Variants in MAP2K2 observed in about 807,000 individuals in gnomAD.
MAP2K2 encodes dual specificity mitogen-activated protein kinase kinase 2.
Under a neutral mutation model 43.7 loss-of-function variants are expected in MAP2K2, and 24 were observed. That is an observed-to-expected ratio of 0.55 (90% CI 0.40 to 0.77). The LOEUF is 0.77. MAP2K2 is among the 30% of genes least tolerant of loss of function. MAP2K2 has a pLI of 0.00. For missense variants in MAP2K2, 470 were observed against 566.8 expected (o/e 0.83, Z 1.73); for synonymous variants, 244 against 239.7 (o/e 1.02, Z -0.17).
At chr19:4,121,795 T>C (rs1381492926) in intron 1 of MAP2K2, among the ~76,000 whole-genome samples, 2 of 16,082 alleles carry the variant, frequency 1.2e-4, no homozygotes, top group African/African-American at 6.3e-4. Context: ...GACACCCCCT[T>C]GTCCTCAGAT....
Position 4,090,713 on chromosome 19 carries a change from A to G in MAP2K2, c.1093-5T>C. On this transcript the variant is annotated splice_region_variant and splice_polypyrimidine_tract_variant and intron_variant, in intron 10 of 10. Transcript: ENST00000262948. ...CCGCTTGATGAAGGTGTGGTTCTGC[A>G]AGGAAAGGGGAGCCGTGAGCACCCG... 6.4e-7 allele frequency: 1 copy of G among 1,551,240 alleles called. No homozygotes were observed. The highest frequency in any genetic ancestry group is 2.4e-5 in the East Asian group (1 of 41,232).
intron 1 of MAP2K2, 109 bp downstream of exon 1, chr19:4,123,675 C>T: frequency 1.4e-6 from 1 of 711,142 alleles, no homozygotes; most frequent in Non-Finnish European, 2.1e-6. Context: ...CCCCCGTGAC[C>T]CCCCTGCCTC....
At chr19:4,096,496 G>A (rs2040919679) in intron 8 of MAP2K2, among the ~76,000 whole-genome samples, 1 of 152,210 alleles carries the variant, frequency 6.6e-6, no homozygotes, top group Non-Finnish European at 1.5e-5. Context: ...GACAGCTGCA[G>A]GCCTGGAAGG....
intron 1 of MAP2K2, among the ~76,000 whole-genome samples, chr19:4,122,692 A>C (rs1257882704): frequency 2.0e-5 from 3 of 149,588 alleles, no homozygotes; most frequent in African/African-American, 7.4e-5. Flanking sequence ...TTTTCCCCAA[A>C]GGGATCTCCC....
rs1599305275 is a variant in MAP2K2, at chr19:4,115,585, A to G, written c.303+1834T>C. ...CTCCGGTTTGGAAGAGGCTGCCTGC[A>G]GTACGGGGACAGAAATAGCAAGTCC... On this transcript the variant is annotated intron_variant, in intron 2 of 10. Transcript: ENST00000262948. The surrounding 1 kb of genome is among the most constrained non-coding windows in gnomAD (Gnocchi z 4.1). Among the ~76,000 whole-genome samples the G allele has an allele frequency of 6.6e-6, 1 of 152,226 alleles. No homozygotes were observed. Among genetic ancestry groups the G allele is most frequent in the East Asian group, 1.9e-4 (1 of 5,202 alleles).
intron 1 of MAP2K2, 73 bp from the exon 2 acceptor site, chr19:4,117,702 G>C (rs1430415138): frequency 5.0e-6 from 7 of 1,387,662 alleles, no homozygotes; most frequent in Admixed American, 1.7e-5. Context: ...TGTGGCCGTG[G>C]TGCATCGGCC....
intron 10 of MAP2K2, among the ~76,000 whole-genome samples, chr19:4,091,734 T>A (rs1000398062): frequency 4.0e-5 from 6 of 151,582 alleles, no homozygotes; most frequent in African/African-American, 1.2e-4. Flanking sequence ...CTGTAACCTC[T>A]GCCTCCCAGG....
chr19:4,099,697 G>A, intron 6 of MAP2K2: 1 of 485,690 alleles, frequency 2.1e-6, no homozygotes. Flanking sequence ...TGGGCCCCAG[G>A]AAGCAGGGGC....
rs767343295 is a variant in MAP2K2 at position 4,102,473 on chromosome 19, T to A, written c.451-20A>T. 6.4e-7 allele frequency: 1 copy of A among 1,566,690 alleles called. No homozygotes were observed. The highest frequency in any genetic ancestry group is 8.7e-7 in the Non-Finnish European group (1 of 1,149,214). On this transcript the variant is annotated intron_variant, in intron 3 of 10. Coordinates refer to ENST00000262948, the MANE Select transcript of MAP2K2 (RefSeq NM_030662.4). ...GCCGTCCTAGAGGGCACACAAGGAGTGAGTGCAGGCTCTGCGCAGGTGGCC... is the reference window on the plus strand; with the variant it reads ...GCCGTCCTAGAGGGCACACAAGGAGAGAGTGCAGGCTCTGCGCAGGTGGCC...
At chr19:4,094,635 G>A (rs1476337121) in intron 9 of MAP2K2, 137 bp from the exon 10 acceptor site, 1 of 813,646 alleles carries the variant, frequency 1.2e-6, no homozygotes, top group Non-Finnish European at 2.0e-6. Flanking sequence ...GAGTGGCACA[G>A]AGTGGCTGCT....
rs769390409 is a variant in MAP2K2 at position 4,102,357 on chromosome 19, G to A, written c.528+19C>T. ...GCAGAGTGCGGTGGGGGCGCGATGT[G>A]GGTCTGCGGTGGACTCACCGCGATG... On this transcript the variant is annotated intron_variant, in intron 4 of 10. Transcript: ENST00000262948. 1.9e-5 allele frequency: 30 copies of A among 1,580,198 alleles called. No individual in the cohort carries two copies. Among genetic ancestry groups the A allele is most frequent in the African/African-American group, 8.1e-5 (6 of 74,512 alleles).
chr19:4,093,021 C>T (rs984814451), intron 10 of MAP2K2, among the ~76,000 whole-genome samples: 1 of 152,204 alleles, frequency 6.6e-6, no homozygotes, highest in Middle Eastern at 3.4e-3. Context: ...CCAGCCTGGC[C>T]AACACGGGGA....
chr19:4,102,303 G>A (rs556606838), intron 4 of MAP2K2, 73 bp downstream of exon 4: 217 of 1,355,434 alleles, frequency 1.6e-4, no homozygotes, highest in Admixed American at 4.3e-4. Flanking sequence ...AGTGGCTCCC[G>A]GAACCCTGGC....
chr19:4,116,013 G>A (rs2041216187), intron 2 of MAP2K2, among the ~76,000 whole-genome samples: 1 of 152,184 alleles, frequency 6.6e-6, no homozygotes, highest in Non-Finnish European at 1.5e-5. Flanking sequence ...TAAGCACGGG[G>A]GCCGTCAGCA....
rs775661458 is a variant in MAP2K2, at chr19:4,102,377, G to A, written c.527C>T (p.Ala176Val). ...GATGTGGGTCTGCGGTGGACTCACC[G>A]CGATGCTGACTTTCCCCAGGATCTC... Reference protein sequence around the residue: ...PEEILGKVSIAVLRGLAYLRE... With the variant: ...PEEILGKVSIVVLRGLAYLRE... The change falls in exon 4 of 11, where the codon GCG becomes GTG. Residue 176 changes from alanine to valine, a missense_variant and splice_region_variant. Ala to Val is a moderately conservative substitution (Grantham distance 64, BLOSUM62 0). Transcript: ENST00000262948. 20 of 1,598,252 alleles carry A rather than the reference G, an allele frequency of 1.3e-5. No individual in the cohort carries two copies. The highest frequency in any genetic ancestry group is 4.5e-5 in the South Asian group (4 of 88,546).
In MAP2K2 at chr19:4,099,231, G is replaced by A. The variant is rs562352756; in HGVS notation, c.889C>T (p.Arg297Trp). The A allele has an allele frequency of 2.6e-5, 42 of 1,604,586 alleles. No homozygotes were observed. In the African/African-American group the frequency reaches 3.5e-4, roughly 13 times the overall value. The part of the protein sequence containing the change: ...EEGEPHSISP[R>W]PRPPGRPVSG... Reference sequence around the variant, plus strand: ...ACGGGGCGCCCGGGGGGCCTCGGCCGAGGCGAGATGCTGTGAGGCTCTCCT... The same window carrying A: ...ACGGGGCGCCCGGGGGGCCTCGGCCAAGGCGAGATGCTGTGAGGCTCTCCT... The change falls in exon 7 of 11, where the codon CGG (arginine) becomes TGG (tryptophan). Residue 297 changes from arginine to tryptophan, a missense_variant. Transcript: ENST00000262948.
chr19:4,115,440 T>C lies in MAP2K2; in HGVS notation c.303+1979A>G, dbSNP rs900722177. ...GGAGGCTCCCCCAGAAGCCTGAGGG[T>C]CCCTGGCACACACGAGGACTGGCAC... On this transcript the variant is annotated intron_variant, in intron 2 of 10. Coordinates refer to ENST00000262948, the MANE Select transcript of MAP2K2 (RefSeq NM_030662.4). This position sits in a 1 kb window ranked among gnomAD's most constrained non-coding sequence, Gnocchi z 4.1. Among the ~76,000 whole-genome samples the C allele has an allele frequency of 2.0e-5, 3 of 152,076 alleles. No individual in the cohort carries two copies. Among genetic ancestry groups the C allele is most frequent in the Non-Finnish European group, 2.9e-5 (2 of 68,016 alleles).
rs2145079909 is a variant in MAP2K2, at chr19:4,117,461, G to A, written c.261C>T (p.Thr87=). The change falls in exon 2 of 11, where the codon ACC becomes ACT. Residue 87 remains threonine (T), a synonymous_variant. Coordinates refer to ENST00000262948, the MANE Select transcript of MAP2K2 (RefSeq NM_030662.4). ...GGCCCGAGGGTCTGTGCTGGACTTTGGTGACCACCCCGCCGTTGCCCGCGC... is the reference window on the plus strand; with the variant it reads ...GGCCCGAGGGTCTGTGCTGGACTTTAGTGACCACCCCGCCGTTGCCCGCGC... ...ELGAGNGGVV[T]KVQHRPSGLI... 1 of 1,613,756 alleles carries A rather than the reference G, an allele frequency of 6.2e-7. No homozygotes were observed. The highest frequency in any genetic ancestry group is 8.5e-7 in the Non-Finnish European group (1 of 1,179,930).
intron 9 of MAP2K2, 131 bp from the exon 10 acceptor site, chr19:4,094,629 G>C (rs2040889432): frequency 1.2e-6 from 1 of 817,842 alleles, no homozygotes; most frequent in African/African-American, 1.7e-5. Context: ...CAGAGAGAGT[G>C]GCACAGAGTG....
Sources: allele counts gnomAD v4.1 joint callset (sites outside exome capture counted in the v4.1 genomes callset), GRCh38; gene constraint gnomAD v4.1.1; non-coding constraint Gnocchi (gnomAD v3.1); transcripts MANE v1.5; gene names NCBI Gene and HGNC (gene_info 2026-07-23, HGNC 2026-07-21).